FAM131A: variants seen among roughly 807,000 people sequenced by gnomAD.
FAM131A encodes the protein family with sequence similarity 131 member A, also known as protein FAM131A.
FAM131A carries 24 observed loss-of-function variants against 39.2 expected under a neutral mutation model. That is an observed-to-expected ratio of 0.61 (90% CI 0.44 to 0.86). The LOEUF (loss-of-function observed/expected upper bound fraction) is 0.86, where lower values mean the gene tolerates loss of function less well. FAM131A is among the 40% of genes least tolerant of loss of function. The pLI is 0.00. For synonymous variants in FAM131A, 202 were observed against 206.8 expected, an observed-to-expected ratio of 0.98 and a Z score of 0.20; for missense variants, 373 against 481.2, an observed-to-expected ratio of 0.78 and a Z score of 2.10.
At chr3:184,344,303 C>T (rs1727514065) in intron 5 of FAM131A, among the ~76,000 whole-genome samples, 192 bp from the exon 6 acceptor site, 1 of 152,054 alleles carries the variant, frequency 6.6e-6, no homozygotes, top group Non-Finnish European at 1.5e-5. Context: ...GACTCTTGTT[C>T]TTGTATTGTT....
At chr3:184,339,497 G>C (rs1264974613) in intron 2 of FAM131A, 1 of 152,550 alleles carries the variant, frequency 6.6e-6, no homozygotes, top group South Asian at 2.1e-4. Flanking sequence ...TTTCGCTCTT[G>C]TTGCCCAGGC....
chr3:184,341,959 C>T lies in FAM131A; in HGVS notation c.326-107C>T, dbSNP rs1383511198. 42 of 1,519,950 alleles carry T rather than the reference C, an allele frequency of 2.8e-5. No homozygotes were observed. In the East Asian group the frequency reaches 8.6e-4, roughly 31 times the overall value. 94.2% of individuals were successfully genotyped at this position (1,519,950 alleles called of 1,614,324 possible). ...AGGTGAATCTCAGCCCCTTCTCCCA[C>T]CCAAAGGTTCACATGGATCCTAACT... On this transcript the variant is annotated intron_variant, in intron 3 of 5. Coordinates refer to ENST00000383847, the MANE Select transcript of FAM131A (RefSeq NM_144635.5).
At chr3:184,338,681 C>CCGGTCTGCTCTGCTCGG (rs1271453868) in intron 2 of FAM131A, 152 bp downstream of exon 2, 31 of 957,858 alleles carry the variant, frequency 3.2e-5, no homozygotes, top group Non-Finnish European at 4.5e-5. Flanking sequence ...CGCCCCCGTG[C>CCGGTCTGCTCTGCTCGG]CGGTCTGCTC....
upstream of FAM131A, among the ~76,000 whole-genome samples, chr3:184,336,880 GC>G (rs1182001234): frequency 6.6e-6 from 1 of 152,218 alleles, no homozygotes; most frequent in Non-Finnish European, 1.5e-5. This position sits in a 1 kb window ranked among gnomAD's most constrained non-coding sequence, Gnocchi z 5.5. Flanking sequence ...ACCGGGCCTG[GC>G]CGTAGTCCTG....
In FAM131A at chr3:184,342,143, T is replaced by C. The variant is rs1172562077; in HGVS notation, c.403T>C (p.Trp135Arg). The C allele has an allele frequency of 6.2e-7, 1 of 1,613,978 alleles. No homozygotes were observed. The highest frequency in any genetic ancestry group is 2.2e-5 in the East Asian group (1 of 44,876). Residue 135 changes from tryptophan (W) to arginine (R), a missense_variant, in exon 4 of 6, where the codon TGG (tryptophan) becomes CGG (arginine). This residue lies in a region of FAM131A where 221 missense variants were observed against 347.7 expected (regional missense o/e 0.64). Transcript: ENST00000383847. This position sits in a 1 kb window ranked among gnomAD's most constrained non-coding sequence, Gnocchi z 4.6. ...GGGCCGAGTGGCTCACCTCATTGAGTGGAAGGGCTGGAGCAAGCCGAGTGA... is the reference window on the plus strand; with the variant it reads ...GGGCCGAGTGGCTCACCTCATTGAGCGGAAGGGCTGGAGCAAGCCGAGTGA... ...AQGRVAHLIE[W>R]KGWSKPSDSP...
chr3:184,344,759 G>A lies in FAM131A; in HGVS notation c.890G>A (p.Gly297Asp). ...CGGGAAAGTGCCTTCCGCAGCCTGGGCCCACTGGAGGCCCAGGACTCACTC... is the reference window on the plus strand; with the variant it reads ...CGGGAAAGTGCCTTCCGCAGCCTGGACCCACTGGAGGCCCAGGACTCACTC... ...PSRESAFRSLGPLEAQDSLYN... is the reference protein window; with the variant it reads ...PSRESAFRSLDPLEAQDSLYN... The change falls in exon 6 of 6, where the codon GGC becomes GAC. Residue 297 changes from glycine to aspartate, a missense_variant. This residue lies in a region of FAM131A where 152 missense variants were observed against 133.5 expected (regional missense o/e 1.14). Transcript: ENST00000383847. 1 of 1,612,278 alleles carries A rather than the reference G, an allele frequency of 6.2e-7. No individual in the cohort carries two copies. Among genetic ancestry groups the A allele is most frequent in the Non-Finnish European group, 8.5e-7 (1 of 1,179,948 alleles).
Position 184,344,716 on chromosome 3 carries a change from G to T in FAM131A, c.847G>T (p.Ala283Ser). The change falls in exon 6 of 6, where the codon GCC becomes TCC. Residue 283 changes from alanine (A) to serine (S), a missense_variant. Physicochemically the swap from Ala to Ser is moderately conservative, Grantham distance 99 (BLOSUM62 1). Transcript: ENST00000383847. ...SQLLGDELLL[A>S]KLPPSRESAF... Reference sequence around the variant, plus strand: ...GCTGCTGGGCGATGAGCTGCTTCTCGCCAAACTGCCCCCCAGCCGGGAAAG... The same window carrying T: ...GCTGCTGGGCGATGAGCTGCTTCTCTCCAAACTGCCCCCCAGCCGGGAAAG... The T allele has an allele frequency of 6.2e-7, 1 of 1,612,168 alleles. No individual in the cohort carries two copies. Among genetic ancestry groups the T allele is most frequent in the Non-Finnish European group, 8.5e-7 (1 of 1,179,964 alleles).
rs1727422327 is a variant in FAM131A at position 184,342,323 on chromosome 3, T to G, written c.508+75T>G. 5 of 1,474,838 alleles carry G rather than the reference T, an allele frequency of 3.4e-6. No individual in the cohort carries two copies. The highest frequency in any genetic ancestry group is 4.8e-4 in the Middle Eastern group (2 of 4,182). The allele number at this position is 1,474,838 out of a possible 1,614,324, so 91.4% of individuals were successfully genotyped here. ...CTTTCTTTATTTTATTTAATTTTTT[T>G]TTGAGACGGAGTCTCACTCTGTCGC... is the stretch of plus-strand genomic sequence containing the variant. On this transcript the variant is annotated intron_variant, in intron 4 of 5. Transcript: ENST00000383847. This position sits in a 1 kb window ranked among gnomAD's most constrained non-coding sequence, Gnocchi z 4.6.
chr3:184,341,688 CAG>C, intron 2 of FAM131A, 34 bp from the exon 3 acceptor site: 1 of 1,572,236 alleles, frequency 6.4e-7, no homozygotes, highest in Non-Finnish European at 8.6e-7. Context: ...TCATTGCTGT[CAG>C]AGGGGCACTG....
chr3:184,338,537 GC>G lies in FAM131A; in HGVS notation c.231+12del, dbSNP rs2108541212. ...AGTCAGGACTTGCCAGAGGTGCTGG[GC>G]CCCTGGTGGTGGGGGGAAGGAGGAC... On this transcript the variant is annotated intron_variant, in intron 2 of 5. Transcript: ENST00000383847. The G allele has an allele frequency of 2.0e-6, 3 of 1,536,100 alleles. No individual in the cohort carries two copies. In the South Asian group the frequency reaches 3.6e-5, roughly 18 times the overall value.
In FAM131A at chr3:184,345,248, G is replaced by C; in HGVS notation, c.*278G>C. On this transcript the variant is annotated 3_prime_UTR_variant, in exon 6 of 6. Transcript: ENST00000383847. ...AGCTGTGGCAGACAGTGATGTTCAT[G>C]TTCTTAAAATGCCACACACACATTT... is the stretch of plus-strand genomic sequence containing the variant. 1.9e-6 allele frequency: 1 copy of C among 536,598 alleles called. No individual in the cohort carries two copies. Among genetic ancestry groups the C allele is most frequent in the South Asian group, 2.3e-5 (1 of 43,122 alleles). The allele number at this position is 536,598 out of a possible 1,614,324, so 33.2% of individuals were successfully genotyped here.
chr3:184,337,992 A>G (rs1469702682), intron 1 of FAM131A, among the ~76,000 whole-genome samples: 2 of 152,158 alleles, frequency 1.3e-5, no homozygotes, highest in Non-Finnish European at 2.9e-5. Context: ...GGAAGAGAGA[A>G]GGAAGGCAAC....
Position 184,342,079 on chromosome 3 carries a change from G to T in FAM131A, c.339G>T (p.Val113=), listed in dbSNP as rs997822780. 10 of 1,614,070 alleles carry T rather than the reference G, an allele frequency of 6.2e-6. No homozygotes were observed. The African/African-American group carries it at 1.3e-4, about 22-fold the overall frequency. The change falls in exon 4 of 6, where the codon GTG becomes GTT. Residue 113 remains valine (V), a synonymous_variant. Transcript: ENST00000383847. This position sits in a 1 kb window ranked among gnomAD's most constrained non-coding sequence, Gnocchi z 4.6. ...CCCTATCTCCAGGTATTTCCCAGGT[G>T]GTGAAGGACCACGTGACCAAGCCTA... ...ARSSLHGISQ[V]VKDHVTKPTA...
In FAM131A at chr3:184,345,915, A is replaced by C; in HGVS notation, c.*945A>C. 1 of 372,216 alleles carries C rather than the reference A, an allele frequency of 2.7e-6. No homozygotes were observed. 23.1% of individuals were successfully genotyped at this position (372,216 alleles called of 1,614,324 possible). ...GGCAGGAATTGTGCCAGTGAGTGACAGTCATGAGGGAGTGTCTCTTCTTGG... is the reference window on the plus strand; with the variant it reads ...GGCAGGAATTGTGCCAGTGAGTGACCGTCATGAGGGAGTGTCTCTTCTTGG... On this transcript the variant is annotated 3_prime_UTR_variant, in exon 6 of 6. Transcript: ENST00000383847.
rs977135225 is a variant in FAM131A at position 184,338,315 on chromosome 3, C to T, written c.89-72C>T. The T allele has an allele frequency of 7.9e-6, 11 of 1,385,658 alleles. No individual in the cohort carries two copies. The African/African-American group carries it at 1.6e-4, about 21-fold the overall frequency. 85.8% of individuals were successfully genotyped at this position (1,385,658 alleles called of 1,614,324 possible). ...GGGGAGGGGCCGAGAAATGATACGGCAATACTGGATGAAAATGGGGATCTC... is the reference window on the plus strand; with the variant it reads ...GGGGAGGGGCCGAGAAATGATACGGTAATACTGGATGAAAATGGGGATCTC... On this transcript the variant is annotated intron_variant, in intron 1 of 5. Coordinates refer to ENST00000383847, the MANE Select transcript of FAM131A (RefSeq NM_144635.5).
upstream of FAM131A, chr3:184,337,594 T>C: frequency 6.5e-7 from 1 of 1,532,440 alleles, no homozygotes; most frequent in Non-Finnish European, 8.8e-7. Context: ...CCTGGAGCGG[T>C]TCTGGGCTTT....
chr3:184,344,390 C>G (rs1185094140), intron 5 of FAM131A, 105 bp from the exon 6 acceptor site: 1 of 1,101,018 alleles, frequency 9.1e-7, no homozygotes, highest in Non-Finnish European at 1.3e-6. Flanking sequence ...AGCACCTATC[C>G]ACCCCTAGAG....
At position 184,341,818 on chromosome 3, in the gene FAM131A, G is replaced by A; in HGVS notation, c.325+1G>A. 1 of 1,613,978 alleles carries A rather than the reference G, an allele frequency of 6.2e-7. No homozygotes were observed. Among genetic ancestry groups the A allele is most frequent in the Non-Finnish European group, 8.5e-7 (1 of 1,179,846 alleles). On this transcript the variant is annotated splice_donor_variant, in intron 3 of 5. Transcript: ENST00000383847. LOFTEE classifies it high-confidence loss of function. ...GCGCTGGCCAGGTCCTCCCTGCATG[G>A]TATGCAGCCCCTCCCATGTTTCTGG...
At chr3:184,338,676 C>G (rs751771256) in intron 2 of FAM131A, 147 bp downstream of exon 2, 1 of 1,027,914 alleles carries the variant, frequency 9.7e-7, no homozygotes, top group South Asian at 1.6e-5. Flanking sequence ...GAGGCCGCCC[C>G]CGTGCCGGTC....
Sources: allele counts gnomAD v4.1 joint callset (sites outside exome capture counted in the v4.1 genomes callset), GRCh38; gene constraint gnomAD v4.1.1; regional missense constraint gnomAD v4.1.1; non-coding constraint Gnocchi (gnomAD v3.1); transcripts MANE v1.5; gene names NCBI Gene and HGNC (gene_info 2026-07-23, HGNC 2026-07-21).